GABRG3: variants seen among roughly 807,000 people sequenced by gnomAD.
The protein encoded by GABRG3 is gamma-aminobutyric acid type A receptor subunit gamma3.
Under a neutral mutation model 48.8 loss-of-function variants are expected in GABRG3, and 25 were observed. The observed-to-expected ratio is 0.51, with a 90% CI of 0.37 to 0.72. The LOEUF is 0.72. GABRG3 is among the 30% of genes least tolerant of loss of function. The probability of loss-of-function intolerance (pLI) is 0.00; values close to 1 mark genes in which losing one functional copy is unlikely to be tolerated. For missense variants in GABRG3, 394 were observed against 577.9 expected, an observed-to-expected ratio of 0.68 and a Z score of 3.26; for synonymous variants, 227 against 217.6, an observed-to-expected ratio of 1.04 and a Z score of -0.38.
intron 2 of GABRG3, among the ~76,000 whole-genome samples, chr15:26,996,243 G>A (rs185729902): frequency 6.6e-6 from 1 of 151,978 alleles, no homozygotes; most frequent in East Asian, 1.9e-4. Context: ...TTTGTTTGTG[G>A]TCACTGGCTT....
intron 5 of GABRG3, among the ~76,000 whole-genome samples, chr15:27,452,831 G>A (rs1194219113): frequency 1.3e-5 from 2 of 152,278 alleles, no homozygotes; most frequent in South Asian, 4.1e-4. Context: ...TGCCGAAGAG[G>A]TAGCTGCAAT....
intron 3 of GABRG3, among the ~76,000 whole-genome samples, chr15:27,142,750 T>G (rs2140390793): frequency 6.6e-6 from 1 of 151,800 alleles, no homozygotes; most frequent in Middle Eastern, 3.4e-3. Flanking sequence ...TTGACAGGGG[T>G]TACTGAGGAT....
intron 3 of GABRG3, among the ~76,000 whole-genome samples, chr15:27,278,052 A>G (rs1431625274): frequency 6.7e-6 from 1 of 149,440 alleles, no homozygotes; most frequent in Admixed American, 6.6e-5. Context: ...ATATAGCTCG[A>G]TGCATTTTTT....
At chr15:27,268,907 G>A (rs1395370534) in intron 3 of GABRG3, among the ~76,000 whole-genome samples, 1 of 152,006 alleles carries the variant, frequency 6.6e-6, no homozygotes, top group Non-Finnish European at 1.5e-5. Context: ...CAGTTAGCTG[G>A]GACAATCATA....
intron 1 of GABRG3, among the ~76,000 whole-genome samples, chr15:26,972,871 C>T (rs1181843137): frequency 2.0e-5 from 3 of 152,140 alleles, no homozygotes; most frequent in Non-Finnish European, 4.4e-5. Context: ...CCGACTCCAC[C>T]GGTGACTCAC....
At chr15:27,120,556 T>C (rs1477475186) in intron 3 of GABRG3, among the ~76,000 whole-genome samples, 1 of 151,992 alleles carries the variant, frequency 6.6e-6, no homozygotes, top group Admixed American at 6.6e-5. Context: ...CCTGATAAAG[T>C]AATTAGTAAT....
intron 6 of GABRG3, among the ~76,000 whole-genome samples, chr15:27,513,147 C>A (rs1196088777): frequency 1.3e-5 from 2 of 151,896 alleles, no homozygotes; most frequent in African/African-American, 4.8e-5. Flanking sequence ...GAAATAAAAT[C>A]ATAAAAAATG....
intron 2 of GABRG3, among the ~76,000 whole-genome samples, chr15:27,011,214 A>G (rs1895680086): frequency 6.6e-6 from 1 of 152,130 alleles, no homozygotes; most frequent in Non-Finnish European, 1.5e-5. Flanking sequence ...CACAGCATCT[A>G]CTTTTTCAAT....
chr15:27,258,042 G>C (rs1890673273), intron 3 of GABRG3, among the ~76,000 whole-genome samples: 1 of 152,166 alleles, frequency 6.6e-6, no homozygotes, highest in Non-Finnish European at 1.5e-5. Context: ...CAAGTGATTT[G>C]TGGATTCCCC....
intron 2 of GABRG3, among the ~76,000 whole-genome samples, chr15:26,987,210 A>G (rs991195457): frequency 2.0e-5 from 3 of 151,484 alleles, no homozygotes; most frequent in African/African-American, 7.3e-5. Flanking sequence ...GTGAGCCGAG[A>G]TCACACCATA....
At position 26,975,069 on chromosome 15, in the gene GABRG3, G is replaced by A. The variant is rs11263718; in HGVS notation, c.54-1933G>A. ...TTTTTGTATTTTTAGTAGAGACGGG[G>A]TTTCACCCTGTTGGCCAGGCTGGTC... On this transcript the variant is annotated intron_variant, in intron 1 of 9. Coordinates refer to ENST00000615808, the MANE Select transcript of GABRG3 (RefSeq NM_033223.5). This position sits in a 1 kb window ranked among gnomAD's most constrained non-coding sequence, Gnocchi z 4.6. Among the ~76,000 whole-genome samples the A allele has an allele frequency of 0.5, 75,623 of 150,784 alleles. 19,447 individuals are homozygous for A. Among genetic ancestry groups the A allele is most frequent in the African/African-American group, 0.63 (25,762 of 41,030 alleles).
At chr15:27,505,498 C>A (rs1314830830) in intron 6 of GABRG3, among the ~76,000 whole-genome samples, 1 of 152,046 alleles carries the variant, frequency 6.6e-6, no homozygotes, top group Non-Finnish European at 1.5e-5. Flanking sequence ...TTGCTAGAAG[C>A]TTTTAATTAT....
rs181152374 is a variant in GABRG3, at chr15:27,539,160, A to G, written c.*6279A>G. ...GTGATAATCAGGACTGATGCCAGTA[A>G]GTGGGAAGTTCATTACGGCAAGGCA... On this transcript the variant is annotated 3_prime_UTR_variant, in exon 10 of 10. Coordinates refer to ENST00000615808, the MANE Select transcript of GABRG3 (RefSeq NM_033223.5). 2 of 152,330 alleles carry G rather than the reference A, an allele frequency of 1.3e-5. No individual in the cohort carries two copies. The highest frequency in any genetic ancestry group is 3.9e-4 in the East Asian group (2 of 5,178). 9.4% of individuals were successfully genotyped at this position (152,330 alleles called of 1,614,324 possible). A position where few individuals can be genotyped will look rare whatever the true frequency, so the allele number is the denominator to read the frequency against.
In GABRG3 at chr15:26,974,880, T is replaced by C. The variant is rs1478769876; in HGVS notation, c.54-2122T>C. Among the ~76,000 whole-genome samples the C allele has an allele frequency of 2.8e-5, 4 of 143,016 alleles. No homozygotes were observed. The highest frequency in any genetic ancestry group is 1.1e-4 in the African/African-American group (4 of 36,820). The allele number at this position is 143,016 out of a possible 152,430, so 93.8% of individuals were successfully genotyped here. ...ATTATTATTATTATTATTATTATTA[T>C]TATTATTATTTGAGATGGAGTCTCG... is the stretch of plus-strand genomic sequence containing the variant. On this transcript the variant is annotated intron_variant, in intron 1 of 9. Transcript: ENST00000615808. The surrounding 1 kb of genome is among the most constrained non-coding windows in gnomAD (Gnocchi z 4.3).
chr15:26,989,943 C>A (rs1895217658), intron 2 of GABRG3, among the ~76,000 whole-genome samples: 1 of 152,166 alleles, frequency 6.6e-6, no homozygotes, highest in Non-Finnish European at 1.5e-5. Flanking sequence ...TATGGCATTG[C>A]AAATGACAGG....
intron 3 of GABRG3, among the ~76,000 whole-genome samples, chr15:27,186,230 C>T (rs531672929): frequency 3.3e-4 from 50 of 152,032 alleles, no homozygotes; most frequent in Non-Finnish European, 5.9e-4. Context: ...TATGTCCATG[C>T]GTCCTCTTAC....
chr15:27,056,822 T>C (rs2140717708), intron 3 of GABRG3, among the ~76,000 whole-genome samples: 1 of 152,322 alleles, frequency 6.6e-6, no homozygotes, highest in African/African-American at 2.4e-5. Context: ...TAAGAATGGC[T>C]CCAGCACACT....
chr15:27,038,173 T>C (rs1346451240), intron 3 of GABRG3, among the ~76,000 whole-genome samples: 1 of 149,924 alleles, frequency 6.7e-6, no homozygotes, highest in Non-Finnish European at 1.5e-5. Flanking sequence ...ACTGCAGACA[T>C]TTATTGCACA....
intron 5 of GABRG3, among the ~76,000 whole-genome samples, chr15:27,351,182 G>A (rs1374123315): frequency 6.7e-6 from 1 of 149,116 alleles, no homozygotes; most frequent in Non-Finnish European, 1.5e-5. Context: ...GTATTTGTGT[G>A]TATGTATGGT....
Sources: gnomAD v4.1 joint callset for allele counts (sites outside exome capture counted in the v4.1 genomes callset) on GRCh38, gnomAD v4.1.1 for gene constraint, Gnocchi (gnomAD v3.1) non-coding constraint, MANE v1.5 for transcripts, NCBI Gene and HGNC (gene_info 2026-07-23, HGNC 2026-07-21) for gene names.